Variants in AJAP1 observed in about 807,000 individuals in gnomAD.
AJAP1 encodes adherens junction-associated protein 1.
Under a neutral mutation model 35.0 loss-of-function variants are expected in AJAP1, and 5 were observed. That is an observed-to-expected ratio of 0.14 (90% CI 0.07 to 0.30). AJAP1 has a LOEUF of 0.30. Among genes scored for constraint, AJAP1 ranks in the 10% least tolerant of loss-of-function variants. The pLI, the probability that AJAP1 is intolerant of heterozygous loss-of-function variation, is 1.00. For missense variants in AJAP1, 586 were observed against 571.0 expected (o/e 1.03, Z -0.27); for synonymous variants, 284 against 249.3 (o/e 1.14, Z -1.31).
rs572188660 is a variant in AJAP1, at chr1:4,731,265, G to C, written c.829+18566G>C. ...CCGGCTAATTTTTGTATTTTTAGTA[G>C]AGACGGAGTTTCACCATGTTGGCCA... On this transcript the variant is annotated intron_variant, in intron 2 of 5. Transcript: ENST00000378191. Among the ~76,000 whole-genome samples the C allele has an allele frequency of 2.0e-5, 3 of 152,264 alleles. No homozygotes were observed. In the South Asian group the frequency reaches 6.2e-4, roughly 32 times the overall value.
chr1:4,749,692 G>T (rs1010067881), intron 2 of AJAP1, among the ~76,000 whole-genome samples: 4 of 152,244 alleles, frequency 2.6e-5, no homozygotes, highest in Admixed American at 1.3e-4. Flanking sequence ...CTCCTTAGGG[G>T]CAGCGGCCCT....
At chr1:4,713,398 C>G (rs1640313507) in intron 2 of AJAP1, among the ~76,000 whole-genome samples, 1 of 152,202 alleles carries the variant, frequency 6.6e-6, no homozygotes, top group South Asian at 2.1e-4. Flanking sequence ...CTGCTGTTAT[C>G]CTAGCTGCCT....
At chr1:4,662,412 G>A (rs1352736176) in intron 1 of AJAP1, among the ~76,000 whole-genome samples, 3 of 152,246 alleles carry the variant, frequency 2.0e-5, no homozygotes, top group Admixed American at 6.5e-5. Flanking sequence ...AGCTTGCCAC[G>A]TCATTCCCTT....
At position 4,788,370 on chromosome 1, in the gene AJAP1, C is replaced by G. The variant is rs1204539485; in HGVS notation, c.*5885C>G. 2 of 152,270 alleles carry G rather than the reference C, an allele frequency of 1.3e-5. No homozygotes were observed. The highest frequency in any genetic ancestry group is 4.8e-5 in the African/African-American group (2 of 41,408). The allele number at this position is 152,270 out of a possible 1,614,324, so 9.4% of individuals were successfully genotyped here. On this transcript the variant is annotated 3_prime_UTR_variant, in exon 6 of 6. Coordinates refer to ENST00000378191, the MANE Select transcript of AJAP1 (RefSeq NM_018836.4). The stretch of plus-strand genomic sequence containing the variant: ...GAGAACTGCTATCTTTTAAACCACC[C>G]CAGCCCTCAGTCGAACAGAAAGAAT...
intron 1 of AJAP1, among the ~76,000 whole-genome samples, chr1:4,708,850 C>T (rs1460464197): frequency 6.6e-6 from 1 of 152,200 alleles, no homozygotes; most frequent in African/African-American, 2.4e-5. Context: ...TGGGAGTGGG[C>T]TGGGGCCTCT....
chr1:4,774,948 G>A (rs1033294023), intron 5 of AJAP1, among the ~76,000 whole-genome samples: 4 of 152,096 alleles, frequency 2.6e-5, no homozygotes, highest in African/African-American at 9.7e-5. Flanking sequence ...TTAGGACAGC[G>A]GCTAGGGAGG....
At chr1:4,745,856 G>A (rs1641175507) in intron 2 of AJAP1, among the ~76,000 whole-genome samples, 1 of 152,108 alleles carries the variant, frequency 6.6e-6, no homozygotes. Flanking sequence ...GCTAGGACTT[G>A]GGGACACGTG....
Position 4,788,160 on chromosome 1 carries a change from T to A in AJAP1, c.*5675T>A, listed in dbSNP as rs1187106809. On this transcript the variant is annotated 3_prime_UTR_variant, in exon 6 of 6. Transcript: ENST00000378191. ...TTTGCTCACTCTGAGCCAGGATCTC[T>A]GTGTTAGTTACACTCAGCCTTATCT... is the stretch of plus-strand genomic sequence containing the variant. The A allele has an allele frequency of 5.1e-6, 1 of 196,968 alleles. No individual in the cohort carries two copies. The highest frequency in any genetic ancestry group is 2.4e-5 in the African/African-American group (1 of 41,962). 12.2% of individuals were successfully genotyped at this position (196,968 alleles called of 1,614,324 possible). A position where few individuals can be genotyped will look rare whatever the true frequency, so the allele number is the denominator to read the frequency against.
At chr1:4,779,422 G>A (rs937491333) in intron 5 of AJAP1, among the ~76,000 whole-genome samples, 2 of 151,098 alleles carry the variant, frequency 1.3e-5, no homozygotes, top group African/African-American at 4.9e-5. Context: ...TGTAAGCTCC[G>A]CCTCCACCTT....
chr1:4,661,774 C>T (rs1639004555), intron 1 of AJAP1, among the ~76,000 whole-genome samples: 1 of 152,108 alleles, frequency 6.6e-6, no homozygotes, highest in African/African-American at 2.4e-5. Context: ...TCTCTGGTAC[C>T]CATGATTTTA....
chr1:4,694,689 G>A (rs577984170), intron 1 of AJAP1, among the ~76,000 whole-genome samples: 1 of 152,258 alleles, frequency 6.6e-6, no homozygotes, highest in Non-Finnish European at 1.5e-5. Flanking sequence ...CTCAGCTGGG[G>A]TGAAGGATGA....
At chr1:4,689,076 G>A (rs1459882798) in intron 1 of AJAP1, among the ~76,000 whole-genome samples, 2 of 152,072 alleles carry the variant, frequency 1.3e-5, no homozygotes, top group Non-Finnish European at 2.9e-5. Context: ...AGGGGGTGAG[G>A]GTTCTTTGGG....
intron 4 of AJAP1, 152 bp from the exon 5 acceptor site, chr1:4,774,275 G>A (rs1243025498): frequency 1.5e-6 from 1 of 664,946 alleles, no homozygotes; most frequent in Non-Finnish European, 2.7e-6. Context: ...CAGGGAATGT[G>A]GGGGGTGGTC....
chr1:4,727,568 C>T lies in AJAP1; in HGVS notation c.829+14869C>T, dbSNP rs1481983402. 2.0e-5 allele frequency among the ~76,000 whole-genome samples: 3 copies of T among 152,202 alleles called. No homozygotes were observed. In the East Asian group the frequency reaches 5.8e-4, roughly 29 times the overall value. The stretch of plus-strand genomic sequence containing the variant: ...ACCCCTGGGCAGCAGAGGCGTGCTG[C>T]TGGGGACCACGTCCCTGACACAGGA... On this transcript the variant is annotated intron_variant, in intron 2 of 5. Transcript: ENST00000378191.
intron 1 of AJAP1, among the ~76,000 whole-genome samples, chr1:4,695,999 G>T (rs1639850765): frequency 1.3e-5 from 2 of 152,130 alleles, no homozygotes; most frequent in South Asian, 2.1e-4. Flanking sequence ...GTGTCTGGGG[G>T]GAGAACTTTC....
At chr1:4,702,355 A>T (rs1640007309) in intron 1 of AJAP1, among the ~76,000 whole-genome samples, 1 of 152,166 alleles carries the variant, frequency 6.6e-6, no homozygotes, top group Non-Finnish European at 1.5e-5. Flanking sequence ...CACTGGCATC[A>T]TTCAGGTTTG....
intron 1 of AJAP1, among the ~76,000 whole-genome samples, chr1:4,670,625 C>G (rs1639230211): frequency 6.6e-6 from 1 of 152,184 alleles, no homozygotes; most frequent in East Asian, 1.9e-4. Context: ...CCTGCTGGAT[C>G]CCTGCAAACT....
At chr1:4,740,381 G>A (rs1171810448) in intron 2 of AJAP1, among the ~76,000 whole-genome samples, 49 of 88,546 alleles carry the variant, frequency 5.5e-4, no homozygotes, top group African/African-American at 2.0e-3. Context: ...GGGAGTGAGT[G>A]TTGATGGGGA....
intron 2 of AJAP1, among the ~76,000 whole-genome samples, chr1:4,742,364 C>T (rs1443916922): frequency 2.0e-5 from 3 of 152,160 alleles, no homozygotes; most frequent in Admixed American, 6.5e-5. Context: ...AAATGTCAGG[C>T]AAATCAAAAT....
Sources: allele counts gnomAD v4.1 joint callset (sites outside exome capture counted in the v4.1 genomes callset), GRCh38; gene constraint gnomAD v4.1.1; transcripts MANE v1.5; gene names NCBI Gene and HGNC (gene_info 2026-07-23, HGNC 2026-07-21).